CALCA: variants seen among roughly 807,000 people sequenced by gnomAD.
CALCA encodes the protein calcitonin related polypeptide alpha.
A neutral mutation model predicts 6.9 loss-of-function variants in CALCA; 4 were observed. That is an observed-to-expected ratio of 0.58 (90% CI 0.29 to 1.33). CALCA has a LOEUF of 1.33. CALCA is among the 40% of genes most tolerant of loss of function. The probability of loss-of-function intolerance (pLI) is 0.09; values close to 1 mark genes in which losing one functional copy is unlikely to be tolerated. For missense variants in CALCA, 174 were observed against 178.3 expected (o/e 0.98, Z 0.14); for synonymous variants, 78 against 70.0 (o/e 1.11, Z -0.57).
At chr11:14,970,132 G>A in intron 2 of CALCA, 57 bp from the exon 3 acceptor site, 1 of 1,603,960 alleles carries the variant, frequency 6.2e-7, no homozygotes, top group Non-Finnish European at 8.5e-7. Flanking sequence ...CCCCTCCCCA[G>A]GATAAGCAGC....
At position 14,968,544 on chromosome 11, in the gene CALCA, A is replaced by G; in HGVS notation, c.*255T>C. On this transcript the variant is annotated 3_prime_UTR_variant, in exon 4 of 4. Transcript: ENST00000331587. ...TATTCCTCAAATGATCAGCACATTC[A>G]GAAGCAGGACAGAGGAGCTCTGATG... The G allele has an allele frequency of 7.2e-7, 1 of 1,385,308 alleles. No homozygotes were observed. The highest frequency in any genetic ancestry group is 1.5e-5 in the South Asian group (1 of 66,190). 85.8% of individuals were successfully genotyped at this position (1,385,308 alleles called of 1,614,324 possible). A position where few individuals can be genotyped will look rare whatever the true frequency, so the allele number is the denominator to read the frequency against.
downstream of CALCA, chr11:14,967,556 G>T: frequency 8.4e-7 from 1 of 1,187,118 alleles, no homozygotes; most frequent in Non-Finnish European, 1.2e-6. Context: ...TACTGGTGTG[G>T]GTACCTTCCC....
chr11:14,970,639 G>A (rs972237852), intron 2 of CALCA, among the ~76,000 whole-genome samples: 1 of 152,092 alleles, frequency 6.6e-6, no homozygotes, highest in Non-Finnish European at 1.5e-5. Context: ...GTGGCTCACG[G>A]CTGTAATCTC....
intron 1 of CALCA, 74 bp from the exon 2 acceptor site, chr11:14,971,275 C>T (rs1849599133): frequency 1.0e-6 from 1 of 977,682 alleles, no homozygotes; most frequent in African/African-American, 1.6e-5. Flanking sequence ...TGGCTCCTAT[C>T]CTGGTTTTCT....
chr11:14,969,847 G>C, intron 3 of CALCA, 88 bp downstream of exon 3: 1 of 1,594,266 alleles, frequency 6.3e-7, no homozygotes, highest in Non-Finnish European at 8.6e-7. Flanking sequence ...TTCCTGGCCA[G>C]TGTGTTCTCT....
chr11:14,971,124 G>C lies in CALCA; in HGVS notation c.69C>G (p.Leu23=), dbSNP rs139782606. ...SILVLLQAGS[L]HAAPFRSALE... ...TGTCTTACCTGAATGGTGCTGCATG[G>C]AGGCTGCCTGCCTGCAACAGGACCA... is the stretch of plus-strand genomic sequence containing the variant. The change falls in exon 2 of 4, where the codon CTC becomes CTG. Residue 23 remains leucine (L), a synonymous_variant. Coordinates refer to ENST00000331587, the MANE Select transcript of CALCA (RefSeq NM_001741.3). 241 of 1,614,116 alleles carry C rather than the reference G, an allele frequency of 1.5e-4. 4 individuals are homozygous for C. The South Asian group carries it at 2.2e-3, about 14-fold the overall frequency.
At chr11:14,968,033 A>G (rs1849497450), downstream of CALCA, 14 of 735,242 alleles carry the variant, frequency 1.9e-5, no homozygotes, top group Non-Finnish European at 2.8e-5. Context: ...GGAAAATGCC[A>G]TGATCACTCC....
intron 1 of CALCA, among the ~76,000 whole-genome samples, 153 bp from the exon 2 acceptor site, chr11:14,971,354 C>T (rs1191360679): frequency 1.3e-5 from 2 of 152,060 alleles, no homozygotes; most frequent in Non-Finnish European, 2.9e-5. Flanking sequence ...TTTTTGTTTC[C>T]TCATCAGCAC....
chr11:14,967,966 ACT>A, downstream of CALCA: 1 of 1,247,396 alleles, frequency 8.0e-7, no homozygotes, highest in Non-Finnish European at 1.2e-6. Context: ...GCACCAATTA[ACT>A]TTAAGTGTTT....
In CALCA at chr11:14,969,919, G is replaced by A. The variant is rs781954797; in HGVS notation, c.227+16C>T. ...GGGGAGAGGAGGCCCTGTGCTGAGC[G>A]CTTGGGGAGCCTCACCTGGAGCCCT... is the stretch of plus-strand genomic sequence containing the variant. On this transcript the variant is annotated intron_variant, in intron 3 of 3. Transcript: ENST00000331587. 2 of 1,612,432 alleles carry A rather than the reference G, an allele frequency of 1.2e-6. No individual in the cohort carries two copies. The highest frequency in any genetic ancestry group is 2.2e-5 in the South Asian group (2 of 91,012).
intron 2 of CALCA, 119 bp downstream of exon 2, chr11:14,970,988 T>C: frequency 1.3e-6 from 1 of 754,354 alleles, no homozygotes; most frequent in Non-Finnish European, 2.4e-6. Flanking sequence ...AAATTATATA[T>C]GTGCATGAGT....
At chr11:14,969,129 A>G (rs1345856694) in intron 3 of CALCA, 132 bp from the exon 4 acceptor site, 7 of 786,778 alleles carry the variant, frequency 8.9e-6, no homozygotes, top group Non-Finnish European at 1.5e-5. Flanking sequence ...TCACTTATCT[A>G]TCCTTCATTA....
rs1404301633 is a variant in CALCA at position 14,968,632 on chromosome 11, A to G, written c.*167T>C. 6.4e-7 allele frequency: 1 copy of G among 1,563,238 alleles called. No homozygotes were observed. On this transcript the variant is annotated 3_prime_UTR_variant, in exon 4 of 4. Transcript: ENST00000331587. Reference sequence around the variant, plus strand: ...GTATTTTCCCAGGTGATTCTCTTCCAACCTGTGAGTCCTGCTCTCTTTCCT... The same window carrying G: ...GTATTTTCCCAGGTGATTCTCTTCCGACCTGTGAGTCCTGCTCTCTTTCCT...
Position 14,968,744 on chromosome 11 carries a change from G to A in CALCA, c.*55C>T. ...CCACCAGAGAGGAACCAAACCACAT[G>A]CATCAAGTTATAGGAAGGATGCAAG... On this transcript the variant is annotated 3_prime_UTR_variant, in exon 4 of 4. Coordinates refer to ENST00000331587, the MANE Select transcript of CALCA (RefSeq NM_001741.3). The A allele has an allele frequency of 6.2e-7, 1 of 1,613,588 alleles. No homozygotes were observed. Among genetic ancestry groups the A allele is most frequent in the South Asian group, 1.1e-5 (1 of 90,882 alleles).
At position 14,971,167 on chromosome 11, in the gene CALCA, A is replaced by T. The variant is rs868931171; in HGVS notation, c.26T>A (p.Phe9Tyr). The change falls in exon 2 of 4, where the codon TTC (phenylalanine) becomes TAC (tyrosine). Residue 9 changes from phenylalanine to tyrosine, a missense_variant. Transcript: ENST00000331587. ...CAGGACCAAGATGCTGAGAGCCAGGAAGGGGGAGAACTTTTGGAAGCCCAT... is the reference window on the plus strand; with the variant it reads ...CAGGACCAAGATGCTGAGAGCCAGGTAGGGGGAGAACTTTTGGAAGCCCAT... MGFQKFSP[F>Y]LALSILVLLQ... The T allele has an allele frequency of 6.2e-7, 1 of 1,613,946 alleles. No homozygotes were observed. Among genetic ancestry groups the T allele is most frequent in the Non-Finnish European group, 8.5e-7 (1 of 1,180,002 alleles).
chr11:14,970,368 C>A (rs1302731711), intron 2 of CALCA, among the ~76,000 whole-genome samples: 1 of 152,206 alleles, frequency 6.6e-6, no homozygotes, highest in Non-Finnish European at 1.5e-5. Flanking sequence ...CAAAAACTTA[C>A]AGTTAGTGCT....
chr11:14,970,060 G>A lies in CALCA; in HGVS notation c.102C>T (p.Ser34=), dbSNP rs1555026176. The change falls in exon 3 of 4, where the codon AGC becomes AGT. Residue 34 remains serine, a synonymous_variant. Coordinates refer to ENST00000331587, the MANE Select transcript of CALCA (RefSeq NM_001741.3). ...TGAGCGTGGCCGGGTCTGCTGGGCT[G>A]CTCTCCAGGGCAGACCTGTGGAGGG... ...HAAPFRSALE[S]SPADPATLSE... 7 of 1,614,222 alleles carry A rather than the reference G, an allele frequency of 4.3e-6. No individual in the cohort carries two copies. The highest frequency in any genetic ancestry group is 5.9e-6 in the Non-Finnish European group (7 of 1,180,040).
chr11:14,969,032 A>G, intron 3 of CALCA, 35 bp from the exon 4 acceptor site: 1 of 1,596,968 alleles, frequency 6.3e-7, no homozygotes, highest in Non-Finnish European at 8.6e-7. Flanking sequence ...AGTACCATGC[A>G]CCAGAATCTG....
chr11:14,967,865 G>C (rs782646592), downstream of CALCA: 6 of 1,614,210 alleles, frequency 3.7e-6, no homozygotes, highest in South Asian at 5.5e-5. Context: ...CTGATTTGCA[G>C]GATGGAGAAA....
Sources: allele counts gnomAD v4.1 joint callset (sites outside exome capture counted in the v4.1 genomes callset), GRCh38; gene constraint gnomAD v4.1.1; transcripts MANE v1.5; gene names NCBI Gene and HGNC (gene_info 2026-07-23, HGNC 2026-07-21).